The following CDKAL1 variants were observed in gnomAD, a reference collection of about 807,000 sequenced individuals.
CDKAL1 encodes the protein CDKAL1 threonylcarbamoyladenosine tRNA methylthiotransferase.
CDKAL1 carries 32 observed loss-of-function variants against 68.2 expected under a neutral mutation model. The ratio of observed to expected loss-of-function variants is 0.47; its 90% confidence interval spans 0.35 to 0.63. The LOEUF (loss-of-function observed/expected upper bound fraction) is 0.63, where lower values mean the gene tolerates loss of function less well. Ranked by LOEUF, CDKAL1 falls within the 30% of genes least tolerant of loss-of-function variation. The probability of loss-of-function intolerance (pLI) is 0.00; values close to 1 mark genes in which losing one functional copy is unlikely to be tolerated. For missense variants in CDKAL1, 606 were observed against 696.7 expected, an observed-to-expected ratio of 0.87 and a Z score of 1.47; for synonymous variants, 234 against 244.3, an observed-to-expected ratio of 0.96 and a Z score of 0.39.
At chr6:21,131,075 G>A (rs746441708) in intron 13 of CDKAL1, among the ~76,000 whole-genome samples, 4 of 152,208 alleles carry the variant, frequency 2.6e-5, no homozygotes, top group Non-Finnish European at 5.9e-5. Flanking sequence ...TTACAAAACA[G>A]TAGATCCAGT....
chr6:20,937,533 C>T (rs1357779996), intron 9 of CDKAL1, among the ~76,000 whole-genome samples: 1 of 152,232 alleles, frequency 6.6e-6, no homozygotes, highest in African/African-American at 2.4e-5. Flanking sequence ...CCAGGTCCAT[C>T]TAGGATCCCA....
chr6:21,155,559 T>C (rs895680235), intron 13 of CDKAL1, among the ~76,000 whole-genome samples: 7 of 152,248 alleles, frequency 4.6e-5, no homozygotes, highest in African/African-American at 1.7e-4. Context: ...TTTTCTGTCT[T>C]GAGACGGTGA....
chr6:20,636,302 C>A (rs1767902035), intron 4 of CDKAL1, among the ~76,000 whole-genome samples: 1 of 152,096 alleles, frequency 6.6e-6, no homozygotes, highest in Non-Finnish European at 1.5e-5. Context: ...GTGTTCCTTC[C>A]CATTCCCTGT....
rs570250026 is a variant in CDKAL1 at position 20,720,965 on chromosome 6, A to G, written c.372-18554A>G. Among the ~76,000 whole-genome samples, 6 of 152,096 alleles carry G rather than the reference A, an allele frequency of 3.9e-5. No individual in the cohort carries two copies. In the South Asian group the frequency reaches 1.2e-3, roughly 32 times the overall value. On this transcript the variant is annotated intron_variant, in intron 5 of 15. Transcript: ENST00000274695. ...TTCTTTTTGTTCTTTTTATGTATTT[A>G]TTTATTTTTATTATACTTTAAGTTC...
chr6:20,840,931 A>G (rs1243037311), intron 8 of CDKAL1, among the ~76,000 whole-genome samples: 2 of 152,226 alleles, frequency 1.3e-5, no homozygotes, highest in Admixed American at 6.5e-5. Flanking sequence ...AGTTTGGAAG[A>G]ATGTGGCTAG....
At chr6:20,589,080 T>A (rs1765488440) in intron 4 of CDKAL1, among the ~76,000 whole-genome samples, 1 of 152,212 alleles carries the variant, frequency 6.6e-6, no homozygotes, top group South Asian at 2.1e-4. Flanking sequence ...TGTGAAATTA[T>A]TGGTGGTCTT....
intron 4 of CDKAL1, among the ~76,000 whole-genome samples, chr6:20,561,446 G>GACAAAAAAA (rs1764262891): frequency 1.3e-5 from 1 of 79,652 alleles, no homozygotes; most frequent in African/African-American, 4.9e-5. Context: ...TCTCAAAAAA[G>GACAAAAAAA]AAAAAAAAAA....
At chr6:21,220,565 G>A (rs1422722175) in intron 15 of CDKAL1, among the ~76,000 whole-genome samples, 2 of 152,182 alleles carry the variant, frequency 1.3e-5, no homozygotes, top group Non-Finnish European at 2.9e-5. Flanking sequence ...TTTCTATACT[G>A]TGTTATTAAT....
intron 4 of CDKAL1, among the ~76,000 whole-genome samples, chr6:20,614,855 T>G (rs1469205547): frequency 6.6e-6 from 1 of 151,642 alleles, no homozygotes; most frequent in Non-Finnish European, 1.5e-5. Flanking sequence ...TGTATACATG[T>G]GCCATGCTGA....
chr6:21,072,761 T>C (rs935133050), intron 12 of CDKAL1, among the ~76,000 whole-genome samples: 1 of 151,518 alleles, frequency 6.6e-6, no homozygotes, highest in Non-Finnish European at 1.5e-5. Context: ...AGAGTTGCTA[T>C]ATGTTTCCTG....
At chr6:20,745,968 T>A (rs1773648583) in intron 6 of CDKAL1, among the ~76,000 whole-genome samples, 1 of 152,236 alleles carries the variant, frequency 6.6e-6, no homozygotes, top group South Asian at 2.1e-4. Context: ...TGCAACATGT[T>A]CTGTTATTTA....
intron 9 of CDKAL1, among the ~76,000 whole-genome samples, chr6:20,849,099 T>A (rs1758857161): frequency 6.9e-6 from 1 of 144,172 alleles, no homozygotes; most frequent in East Asian, 1.9e-4. Flanking sequence ...AAATTTTAAG[T>A]CCTCAAGTAC....
At chr6:20,684,063 A>G (rs1770506064) in intron 5 of CDKAL1, among the ~76,000 whole-genome samples, 1 of 152,152 alleles carries the variant, frequency 6.6e-6, no homozygotes, top group South Asian at 2.1e-4. Flanking sequence ...GCTGAATAAT[A>G]TTTCATTGTC....
At chr6:21,091,857 C>CCTTTT (rs1773024394) in intron 12 of CDKAL1, among the ~76,000 whole-genome samples, 1 of 70,538 alleles carries the variant, frequency 1.4e-5, no homozygotes, top group Non-Finnish European at 2.6e-5. Flanking sequence ...TCAGAACTTT[C>CCTTTT]TTTTTTTTTT....
intron 4 of CDKAL1, among the ~76,000 whole-genome samples, chr6:20,605,348 T>C (rs1241592413): frequency 6.6e-6 from 1 of 152,216 alleles, no homozygotes; most frequent in African/African-American, 2.4e-5. Flanking sequence ...ATCTGGGTCT[T>C]CTTTTTAATA....
At chr6:20,596,287 GT>G (rs1163759190) in intron 4 of CDKAL1, among the ~76,000 whole-genome samples, 2 of 152,222 alleles carry the variant, frequency 1.3e-5, no homozygotes, top group Non-Finnish European at 2.9e-5. Flanking sequence ...CAGGTGCTCT[GT>G]CCCAGGGAGA....
intron 9 of CDKAL1, among the ~76,000 whole-genome samples, chr6:20,861,623 T>C (rs2150524183): frequency 6.6e-6 from 1 of 152,334 alleles, no homozygotes; most frequent in East Asian, 1.9e-4. Flanking sequence ...CCAGGATTCA[T>C]GTTCTGTGTA....
At chr6:21,044,090 T>C (rs1003851665) in intron 11 of CDKAL1, among the ~76,000 whole-genome samples, 1 of 152,246 alleles carries the variant, frequency 6.6e-6, no homozygotes, top group African/African-American at 2.4e-5. Flanking sequence ...GATCCTGTTA[T>C]ACCATGTTGT....
At chr6:20,914,774 G>A (rs142635524) in intron 9 of CDKAL1, among the ~76,000 whole-genome samples, 1,674 of 152,228 alleles carry the variant, frequency 0.011, 24 homozygotes, top group African/African-American at 0.037. Flanking sequence ...CCCCTAAGAA[G>A]CTCTGTAGTA....
Sources: gnomAD v4.1 joint callset for allele counts (sites outside exome capture counted in the v4.1 genomes callset) on GRCh38, gnomAD v4.1.1 for gene constraint, MANE v1.5 for transcripts, NCBI Gene and HGNC (gene_info 2026-07-23, HGNC 2026-07-21) for gene names.